TRIM2: variants seen among roughly 807,000 people sequenced by gnomAD.
TRIM2 encodes tripartite motif containing 2, also known as tripartite motif-containing protein 2.
A neutral mutation model predicts 75.2 loss-of-function variants in TRIM2; 20 were observed. That is an observed-to-expected ratio of 0.27 (90% CI 0.19 to 0.39). The LOEUF (loss-of-function observed/expected upper bound fraction) is 0.39, where lower values mean the gene tolerates loss of function less well. Ranked by LOEUF, TRIM2 falls within the 10% of genes least tolerant of loss-of-function variation. The probability of loss-of-function intolerance (pLI) is 1.00; values close to 1 mark genes in which losing one functional copy is unlikely to be tolerated. For missense variants in TRIM2, 660 were observed against 990.8 expected, an observed-to-expected ratio of 0.67 and a Z score of 4.48; for synonymous variants, 373 against 388.3, an observed-to-expected ratio of 0.96 and a Z score of 0.46.
chr4:153,319,034 A>C (rs1252336679), intron 8 of TRIM2, among the ~76,000 whole-genome samples: 2 of 152,236 alleles, frequency 1.3e-5, no homozygotes, highest in Non-Finnish European at 2.9e-5. Context: ...ATCCAAGTGG[A>C]ATATCCACAG....
chr4:153,299,931 T>C (rs1480057116), intron 6 of TRIM2, among the ~76,000 whole-genome samples: 1 of 152,200 alleles, frequency 6.6e-6, no homozygotes. Context: ...GCTACCTGCG[T>C]CAGGAATAAG....
chr4:153,255,939 T>G (rs143423005), intron 1 of TRIM2, among the ~76,000 whole-genome samples: 1 of 152,276 alleles, frequency 6.6e-6, no homozygotes, highest in African/African-American at 2.4e-5. Flanking sequence ...ACTGTGGGGA[T>G]GTGATGTGGG....
chr4:153,230,013 G>A (rs1331567249), intron 1 of TRIM2, among the ~76,000 whole-genome samples: 1 of 152,116 alleles, frequency 6.6e-6, no homozygotes. Context: ...GGGGCCGAGG[G>A]GGACAGGAGT....
intron 1 of TRIM2, among the ~76,000 whole-genome samples, chr4:153,164,952 AT>A (rs1373106557): frequency 4.6e-5 from 7 of 151,670 alleles, no homozygotes; most frequent in Admixed American, 1.3e-4. Context: ...TTATTACTTC[AT>A]TTTTTTATAC....
intron 1 of TRIM2, among the ~76,000 whole-genome samples, chr4:153,208,168 C>T (rs1489253177): frequency 6.6e-6 from 1 of 152,064 alleles, no homozygotes; most frequent in African/African-American, 2.4e-5. Flanking sequence ...CATGGTGGTA[C>T]ACACCTGTGG....
intron 1 of TRIM2, among the ~76,000 whole-genome samples, chr4:153,169,143 A>G (rs1192366133): frequency 1.3e-5 from 2 of 152,230 alleles, no homozygotes; most frequent in African/African-American, 4.8e-5. Context: ...CCTAGCACTT[A>G]TTCAAAATTC....
At chr4:153,232,083 C>T (rs925886547) in intron 1 of TRIM2, among the ~76,000 whole-genome samples, 9 of 152,104 alleles carry the variant, frequency 5.9e-5, no homozygotes, top group Non-Finnish European at 7.3e-5. Flanking sequence ...AAAATACTTC[C>T]GGCCCCAAGC....
rs1216590450 is a variant in TRIM2 at position 153,295,471 on chromosome 4, C to T, written c.945C>T (p.Asp315=). The T allele has an allele frequency of 1.2e-6, 2 of 1,614,108 alleles. No homozygotes were observed. The highest frequency in any genetic ancestry group is 1.3e-5 in the African/African-American group (1 of 74,930). ...SEKLNELADQ[D]FPLHPRENDQ... ...AGCTGAACGAGCTGGCCGACCAGGA[C>T]TTCCCCTTGCACCCGCGGGAGAACG... is the stretch of plus-strand genomic sequence containing the variant. Residue 315 remains aspartate (D), a synonymous_variant, in exon 6 of 12, where the codon GAC becomes GAT. Coordinates refer to ENST00000338700, the MANE Select transcript of TRIM2 (RefSeq NM_015271.5). This position sits in a 1 kb window ranked among gnomAD's most constrained non-coding sequence, Gnocchi z 7.2.
At chr4:153,267,925 G>C (rs1228220378) in intron 1 of TRIM2, among the ~76,000 whole-genome samples, 1 of 152,218 alleles carries the variant, frequency 6.6e-6, no homozygotes, top group Non-Finnish European at 1.5e-5. Context: ...CAGGAGACCA[G>C]AGTTTTATTA....
intron 6 of TRIM2, chr4:153,309,896 G>T (rs1005849211): frequency 1.4e-4 from 21 of 152,060 alleles, no homozygotes; most frequent in African/African-American, 5.1e-4. Flanking sequence ...CCAAAGTGCT[G>T]GGATTACAGG....
intron 1 of TRIM2, among the ~76,000 whole-genome samples, chr4:153,232,302 C>G (rs962616218): frequency 6.6e-6 from 1 of 152,062 alleles, no homozygotes; most frequent in East Asian, 1.9e-4. Flanking sequence ...GGATCGAGAC[C>G]AGCCTGGCCA....
At chr4:153,198,491 G>A (rs901548320) in intron 1 of TRIM2, among the ~76,000 whole-genome samples, 1 of 152,132 alleles carries the variant, frequency 6.6e-6, no homozygotes, top group African/African-American at 2.4e-5. Flanking sequence ...CCCCAGCCAT[G>A]TGGAACTGTA....
chr4:153,195,179 G>T (rs187538130), intron 1 of TRIM2, among the ~76,000 whole-genome samples: 1 of 152,220 alleles, frequency 6.6e-6, no homozygotes, highest in Non-Finnish European at 1.5e-5. Flanking sequence ...AAGGCCATGT[G>T]AAGACAGAGA....
At chr4:153,169,781 T>C (rs1490392108) in intron 1 of TRIM2, among the ~76,000 whole-genome samples, 1 of 152,240 alleles carries the variant, frequency 6.6e-6, no homozygotes, top group Non-Finnish European at 1.5e-5. Flanking sequence ...TAGTCTATAA[T>C]TGGAATGTAT....
At chr4:153,333,738 C>T (rs1771997255) in intron 11 of TRIM2, among the ~76,000 whole-genome samples, 1 of 151,846 alleles carries the variant, frequency 6.6e-6, no homozygotes, top group South Asian at 2.1e-4. Flanking sequence ...TTGTTAAATA[C>T]AATGATTAAA....
intron 6 of TRIM2, among the ~76,000 whole-genome samples, chr4:153,307,376 A>G (rs1193177355): frequency 6.6e-6 from 1 of 152,250 alleles, no homozygotes; most frequent in African/African-American, 2.4e-5. Context: ...ATTTTACTCT[A>G]GAACAGTGTA....
chr4:153,206,637 AC>A (rs1421234323), intron 1 of TRIM2, among the ~76,000 whole-genome samples: 1 of 151,984 alleles, frequency 6.6e-6, no homozygotes, highest in Non-Finnish European at 1.5e-5. Flanking sequence ...GATTGATCAA[AC>A]CATTGGCCAT....
At chr4:153,167,396 A>C (rs2149605848) in intron 1 of TRIM2, among the ~76,000 whole-genome samples, 1 of 152,354 alleles carries the variant, frequency 6.6e-6, no homozygotes, top group South Asian at 2.1e-4. Context: ...TCTCTAAACA[A>C]ATAACCCATT....
chr4:153,247,677 C>CAAAAAA lies in TRIM2; in HGVS notation c.31-22639_31-22634dup, dbSNP rs1183914263. Among the ~76,000 whole-genome samples the CAAAAAA allele has an allele frequency of 3.4e-3, 271 of 79,490 alleles. 6 individuals are homozygous for CAAAAAA. The highest frequency in any genetic ancestry group is 4.4e-3 in the African/African-American group (97 of 21,918). 52.1% of individuals were successfully genotyped at this position (79,490 alleles called of 152,430 possible). On this transcript the variant is annotated intron_variant, in intron 1 of 11. Coordinates refer to ENST00000338700, the MANE Select transcript of TRIM2 (RefSeq NM_015271.5). ...TGGGAAACAGAGTGAGACTCTGTCT[C>CAAAAAA]AAAAAAAAAAAAAAAAAAAAAAAAC...
Sources: allele counts gnomAD v4.1 joint callset (sites outside exome capture counted in the v4.1 genomes callset), GRCh38; gene constraint gnomAD v4.1.1; non-coding constraint Gnocchi (gnomAD v3.1); transcripts MANE v1.5; gene names NCBI Gene and HGNC (gene_info 2026-07-23, HGNC 2026-07-21).